The following HSPB2 variants were observed in gnomAD, a reference collection of about 807,000 sequenced individuals.
HSPB2 encodes heat shock protein beta-2.
Under a neutral mutation model 14.1 loss-of-function variants are expected in HSPB2, and 14 were observed. The observed-to-expected ratio is 0.99, with a 90% CI of 0.66 to 1.55. The LOEUF is 1.55. Among genes scored for constraint, HSPB2 ranks in the 40% most tolerant of loss-of-function variants. HSPB2 has a pLI of 0.00. For synonymous variants in HSPB2, 110 were observed against 103.4 expected, an observed-to-expected ratio of 1.06 and a Z score of -0.39; for missense variants, 242 against 241.7, an observed-to-expected ratio of 1.00 and a Z score of -0.01.
intron 1 of HSPB2, 24 bp downstream of exon 1, chr11:111,912,947 T>TTC: frequency 8.7e-7 from 1 of 1,143,326 alleles, no homozygotes; most frequent in Non-Finnish European, 1.2e-6. Context: ...ACCACCCCCT[T>TTC]GCCCCCCACC....
chr11:111,913,110 G>A, intron 1 of HSPB2, 187 bp downstream of exon 1: 1 of 612,914 alleles, frequency 1.6e-6, no homozygotes, highest in Non-Finnish European at 2.9e-6. Flanking sequence ...CTGACCTCAA[G>A]ACACACTTGG....
chr11:111,913,715 GC>G lies in HSPB2; in HGVS notation c.371del (p.Pro124LeufsTer19). The G allele has an allele frequency of 6.2e-7, 1 of 1,614,112 alleles. No individual in the cohort carries two copies. Among genetic ancestry groups the G allele is most frequent in the South Asian group, 1.1e-5 (1 of 91,084 alleles). ...GAGAGTTCTGCCGCACCTATGTCCT[GC>G]CTGCTGATGTCGACCCCTGGCGAGT... Reference protein sequence around the residue: ...SREFCRTYVLPADVDPWRVRA... With the variant: ...SREFCRTYVLXADVDPWRVRA... On this transcript the variant is annotated frameshift_variant, in exon 2 of 2. Transcript: ENST00000304298. LOFTEE classifies it high-confidence loss of function.
At chr11:111,913,156 G>A in intron 1 of HSPB2, 2 of 605,654 alleles carry the variant, frequency 3.3e-6, no homozygotes, top group South Asian at 3.9e-5. Flanking sequence ...TTGCCGGCCT[G>A]GGTGTGCCTC....
intron 1 of HSPB2, chr11:111,913,130 T>G: frequency 1.6e-6 from 1 of 612,474 alleles, no homozygotes; most frequent in Non-Finnish European, 3.0e-6. Context: ...GTGCTTGCAG[T>G]GCTGATACCT....
chr11:111,914,036 A>G lies in HSPB2; in HGVS notation c.*141A>G. 1.3e-6 allele frequency: 1 copy of G among 770,128 alleles called. No homozygotes were observed. Among genetic ancestry groups the G allele is most frequent in the South Asian group, 1.9e-5 (1 of 53,904 alleles). The allele number at this position is 770,128 out of a possible 1,614,324, so 47.7% of individuals were successfully genotyped here. A position where few individuals can be genotyped will look rare whatever the true frequency, so the allele number is the denominator to read the frequency against. On this transcript the variant is annotated 3_prime_UTR_variant, in exon 2 of 2. Transcript: ENST00000304298. ...ACAATGTATGGTTTGGTCCCATGGG[A>G]CATGTCATAGCCTTGGTTTAGTTTT...
At position 111,914,040 on chromosome 11, in the gene HSPB2, G is replaced by A. The variant is rs1430440598; in HGVS notation, c.*145G>A. On this transcript the variant is annotated 3_prime_UTR_variant, in exon 2 of 2. Coordinates refer to ENST00000304298, the MANE Select transcript of HSPB2 (RefSeq NM_001541.4). The stretch of plus-strand genomic sequence containing the variant: ...TGTATGGTTTGGTCCCATGGGACAT[G>A]TCATAGCCTTGGTTTAGTTTTGGGT... 6.7e-6 allele frequency: 5 copies of A among 751,646 alleles called. No homozygotes were observed. The East Asian group carries it at 8.1e-5, about 12-fold the overall frequency. The allele number at this position is 751,646 out of a possible 1,614,324, so 46.6% of individuals were successfully genotyped here. A position where few individuals can be genotyped will look rare whatever the true frequency, so the allele number is the denominator to read the frequency against.
chr11:111,913,275 C>T, intron 1 of HSPB2, 166 bp from the exon 2 acceptor site: 1 of 663,312 alleles, frequency 1.5e-6, no homozygotes, highest in East Asian at 2.5e-5. Context: ...TCCCCTCTTC[C>T]GAGCTGCCTT....
At chr11:111,913,222 T>A in intron 1 of HSPB2, 1 of 555,190 alleles carries the variant, frequency 1.8e-6, no homozygotes, top group East Asian at 3.2e-5. Flanking sequence ...CTCCCCCTCC[T>A]CCTCCTTCTC....
Position 111,913,559 on chromosome 11 carries a change from G to T in HSPB2, c.213G>T (p.Glu71Asp), listed in dbSNP as rs1054895107. Residue 71 changes from glutamate (E) to aspartate (D), a missense_variant, in exon 2 of 2, where the codon GAG becomes GAT. Coordinates refer to ENST00000304298, the MANE Select transcript of HSPB2 (RefSeq NM_001541.4). Reference protein sequence around the residue: ...RAGASELRLSEGKFQAFLDVS... With the variant: ...RAGASELRLSDGKFQAFLDVS... ...GGGCCTCCGAGCTTAGGCTCAGTGA[G>T]GGCAAGTTCCAGGCATTTCTGGATG... 1.2e-6 allele frequency: 2 copies of T among 1,614,174 alleles called. No individual in the cohort carries two copies. Among genetic ancestry groups the T allele is most frequent in the Non-Finnish European group, 1.7e-6 (2 of 1,180,034 alleles).
In HSPB2 at chr11:111,912,745, C is replaced by A. The variant is rs901697078; in HGVS notation, c.-85C>A. On this transcript the variant is annotated 5_prime_UTR_variant, in exon 1 of 2. Transcript: ENST00000304298. ...GACCCCGCCCCCACCTCCTATCGAG[C>A]CCTGGCTCTCCGGGCAGCTGGAGGG... 6.1e-5 allele frequency: 65 copies of A among 1,063,672 alleles called. No homozygotes were observed. The highest frequency in any genetic ancestry group is 6.1e-4 in the Middle Eastern group (2 of 3,268). 65.9% of individuals were successfully genotyped at this position (1,063,672 alleles called of 1,614,324 possible). A position where few individuals can be genotyped will look rare whatever the true frequency, so the allele number is the denominator to read the frequency against.
intron 1 of HSPB2, chr11:111,913,176 C>A: frequency 1.7e-6 from 1 of 604,786 alleles, no homozygotes; most frequent in South Asian, 2.0e-5. Flanking sequence ...CCTTGTCCCC[C>A]TTCTATCCAC....
Position 111,913,804 on chromosome 11 carries a change from T to C in HSPB2, c.458T>C (p.Leu153Ser), listed in dbSNP as rs782384792. The C allele has an allele frequency of 8.7e-6, 14 of 1,614,066 alleles. No homozygotes were observed. In the East Asian group the frequency reaches 3.1e-4, roughly 36 times the overall value. The change falls in exon 2 of 2, where the codon TTG becomes TCG. Residue 153 changes from leucine to serine, a missense_variant. Physicochemically the swap from Leu to Ser is moderately radical, Grantham distance 145 (BLOSUM62 -2). Transcript: ENST00000304298. ...NLEAPRGGRHLDTEVNEVYIS... is the reference protein window; with the variant it reads ...NLEAPRGGRHSDTEVNEVYIS... ...GAAGCACCTCGGGGTGGCCGACATT[T>C]GGACACAGAGGTCAATGAGGTCTAC...
Position 111,913,490 on chromosome 11 carries a change from T to A in HSPB2, c.144T>A (p.Tyr48Ter), listed in dbSNP as rs1335025061. Residue 48 changes from tyrosine (Y) to a stop codon, truncating the protein, a stop_gained, in exon 2 of 2, where the codon TAT becomes TAA. Coordinates refer to ENST00000304298, the MANE Select transcript of HSPB2 (RefSeq NM_001541.4). LOFTEE classifies it high-confidence loss of function. ...CCCCCACACTCTACCATGGCTACTA[T>A]GTCCGGCCTCGGGCCGCCCCAGCTG... ...ILTPTLYHGY[Y>*]VRPRAAPAGE... 1.9e-6 allele frequency: 3 copies of A among 1,613,188 alleles called. No individual in the cohort carries two copies. The African/African-American group carries it at 4.0e-5, about 22-fold the overall frequency.
chr11:111,913,191 G>C (rs1040302774), intron 1 of HSPB2: 4 of 603,152 alleles, frequency 6.6e-6, no homozygotes, highest in African/African-American at 3.7e-5. Context: ...ATCCACCCAG[G>C]CCGTTTGGTG....
Position 111,913,824 on chromosome 11 carries a change from G to T in HSPB2, c.478G>T (p.Val160Phe), listed in dbSNP as rs782230322. ...GRHLDTEVNE[V>F]YISLLPAPPD... ...ACATTTGGACACAGAGGTCAATGAG[G>T]TCTACATCTCCCTGCTCCCTGCGCC... The change falls in exon 2 of 2, where the codon GTC (valine) becomes TTC (phenylalanine). Residue 160 changes from valine to phenylalanine, a missense_variant. Coordinates refer to ENST00000304298, the MANE Select transcript of HSPB2 (RefSeq NM_001541.4). 1 of 1,614,118 alleles carries T rather than the reference G, an allele frequency of 6.2e-7. No homozygotes were observed.
At chr11:111,913,172 C>T (rs1965524922) in intron 1 of HSPB2, 9 of 602,620 alleles carry the variant, frequency 1.5e-5, no homozygotes, top group Admixed American at 5.9e-5. Flanking sequence ...GCCTCCTTGT[C>T]CCCCTTCTAT....
At position 111,912,928 on chromosome 11, in the gene HSPB2, G is replaced by C. The variant is rs1555165780; in HGVS notation, c.94+5G>C. 6.3e-7 allele frequency: 1 copy of C among 1,593,066 alleles called. No individual in the cohort carries two copies. The highest frequency in any genetic ancestry group is 2.3e-5 in the East Asian group (1 of 44,046). ...GTGAGCAGCGCTTCGGAGAAGGTAT[G>C]GCACAGACACCACCCCCTTGCCCCC... On this transcript the variant is annotated splice_donor_5th_base_variant and intron_variant, in intron 1 of 1. Transcript: ENST00000304298.
chr11:111,913,158 G>A (rs1965524282), intron 1 of HSPB2: 3 of 606,034 alleles, frequency 5.0e-6, no homozygotes, highest in South Asian at 3.9e-5. Context: ...GCCGGCCTGG[G>A]TGTGCCTCCT....
chr11:111,913,191 G>A (rs1040302774), intron 1 of HSPB2: 3 of 603,038 alleles, frequency 5.0e-6, no homozygotes, highest in Non-Finnish European at 8.9e-6. Flanking sequence ...ATCCACCCAG[G>A]CCGTTTGGTG....
Sources: allele counts gnomAD v4.1 joint callset, GRCh38; gene constraint gnomAD v4.1.1; transcripts MANE v1.5; gene names NCBI Gene and HGNC (gene_info 2026-07-23, HGNC 2026-07-21).